The following CEP89 variants were observed in gnomAD, a reference collection of about 807,000 sequenced individuals.
CEP89 encodes centrosomal protein 89, also known as centrosomal protein of 89 kDa.
A neutral mutation model predicts 97.6 loss-of-function variants in CEP89; 95 were observed. The observed-to-expected ratio is 0.97, with a 90% confidence interval of 0.82 to 1.15. CEP89 has a LOEUF of 1.15. Among genes scored for constraint, CEP89 ranks in the 50% most tolerant of loss-of-function variants. CEP89 has a pLI of 0.00. For synonymous variants in CEP89, 354 were observed against 349.1 expected (o/e 1.01, Z -0.16); for missense variants, 869 against 947.7 (o/e 0.92, Z 1.09).
chr19:32,901,032 C>T (rs755679621), intron 15 of CEP89, among the ~76,000 whole-genome samples: 25 of 151,712 alleles, frequency 1.6e-4, no homozygotes, highest in Non-Finnish European at 2.9e-4. Context: ...ACTACAGGTG[C>T]GTGCCACTAC....
chr19:32,967,848 AGG>A (rs1971316733), intron 1 of CEP89, among the ~76,000 whole-genome samples: 1 of 152,162 alleles, frequency 6.6e-6, no homozygotes, highest in Non-Finnish European at 1.5e-5. Context: ...GGCATCTTCG[AGG>A]GTGGGGCTTG....
At chr19:32,947,227 C>T (rs756741615) in intron 5 of CEP89, among the ~76,000 whole-genome samples, 1 of 152,100 alleles carries the variant, frequency 6.6e-6, no homozygotes, top group South Asian at 2.1e-4. Context: ...TTTTCCCTAC[C>T]TTTGTTATAA....
Position 32,918,215 on chromosome 19 carries a change from G to A in CEP89, c.1384+9C>T. ...AATGCATGACCAGTCCTCACTGGAAGGACCTCACCTTCTTGGAGGCGCTCC... is the reference window on the plus strand; with the variant it reads ...AATGCATGACCAGTCCTCACTGGAAAGACCTCACCTTCTTGGAGGCGCTCC... On this transcript the variant is annotated intron_variant, in intron 13 of 18. Coordinates refer to ENST00000305768, the MANE Select transcript of CEP89 (RefSeq NM_032816.5). 1 of 1,594,648 alleles carries A rather than the reference G, an allele frequency of 6.3e-7. No homozygotes were observed. Among genetic ancestry groups the A allele is most frequent in the Non-Finnish European group, 8.6e-7 (1 of 1,162,236 alleles).
rs983875081 is a variant in CEP89, at chr19:32,933,585, T to C, written c.752A>G (p.Asn251Ser). Reference protein sequence around the residue: ...EALKEENMDLNNMNQSLTLEL... With the variant: ...EALKEENMDLSNMNQSLTLEL... ...AAGGGTAAGGCTTTGATTCATATTG[T>C]TTAGGTCCATATTTTCTTCTTTTAA... Residue 251 changes from asparagine (N) to serine (S), a missense_variant, in exon 8 of 19, where the codon AAC (asparagine) becomes AGC (serine). By Grantham distance (46) the Asn-to-Ser change is conservative. Coordinates refer to ENST00000305768, the MANE Select transcript of CEP89 (RefSeq NM_032816.5). 6.2e-7 allele frequency: 1 copy of C among 1,613,014 alleles called. No homozygotes were observed. Among genetic ancestry groups the C allele is most frequent in the East Asian group, 2.2e-5 (1 of 44,868 alleles).
chr19:32,898,383 G>A (rs1703520950), intron 16 of CEP89, among the ~76,000 whole-genome samples: 1 of 152,102 alleles, frequency 6.6e-6, no homozygotes. Flanking sequence ...TAGGATGCAT[G>A]TGGGTATGGG....
intron 14 of CEP89, among the ~76,000 whole-genome samples, chr19:32,911,741 T>C (rs563453341): frequency 6.6e-6 from 1 of 152,198 alleles, no homozygotes; most frequent in Admixed American, 6.5e-5. Context: ...TCACTAGCAT[T>C]TACTTAAGCA....
chr19:32,902,821 C>A (rs963105936), intron 14 of CEP89, among the ~76,000 whole-genome samples: 1 of 152,088 alleles, frequency 6.6e-6, no homozygotes, highest in African/African-American at 2.4e-5. Context: ...GAGGAAACTG[C>A]GTAAAGCCTA....
At chr19:32,887,331 C>A (rs1055414052) in intron 17 of CEP89, among the ~76,000 whole-genome samples, 1 of 151,740 alleles carries the variant, frequency 6.6e-6, no homozygotes, top group Non-Finnish European at 1.5e-5. Flanking sequence ...GAGCCTCCCC[C>A]ATCAGCCTCG....
In CEP89 at chr19:32,881,921, G is replaced by C. The variant is rs200051100; in HGVS notation, c.2058C>G (p.Tyr686Ter). ...GGTGCAGGTGCCGCATCTCCTGCCG[G>C]TACTGGGCTGTCTTGCCGGCGAAGT... ...QEDFAGKTAQ[Y>*]RQEMRHLHQV... The change falls in exon 18 of 19, where the codon TAC becomes TAG. Residue 686 changes from tyrosine to a stop codon, truncating the protein, a stop_gained. Coordinates refer to ENST00000305768, the MANE Select transcript of CEP89 (RefSeq NM_032816.5). LOFTEE classifies it high-confidence loss of function. 25 of 1,604,676 alleles carry C rather than the reference G, an allele frequency of 1.6e-5. No homozygotes were observed. The Admixed American group carries it at 3.7e-4, about 24-fold the overall frequency.
At chr19:32,891,882 TA>T (rs573433124) in intron 16 of CEP89, among the ~76,000 whole-genome samples, 12,294 of 142,734 alleles carry the variant, frequency 0.086, 1,557 homozygotes, top group African/African-American at 0.28. Context: ...AGAGAAAAAT[TA>T]AAAAAAAAAA....
Position 32,971,875 on chromosome 19 carries a change from C to T in CEP89, c.-1G>A, listed in dbSNP as rs775697744. The T allele has an allele frequency of 1.9e-6, 3 of 1,588,180 alleles. No homozygotes were observed. The highest frequency in any genetic ancestry group is 1.7e-6 in the Non-Finnish European group (2 of 1,165,988). On this transcript the variant is annotated 5_prime_UTR_variant, in exon 1 of 19. Transcript: ENST00000305768. Reference sequence around the variant, plus strand: ...GGCCTCTCCGAAATCCCAGGAGCATCCTTGCAGCGCGAGGAGAATGGACCG... The same window carrying T: ...GGCCTCTCCGAAATCCCAGGAGCATTCTTGCAGCGCGAGGAGAATGGACCG...
intron 9 of CEP89, among the ~76,000 whole-genome samples, chr19:32,929,422 T>G (rs1296644501): frequency 6.6e-6 from 1 of 151,868 alleles, no homozygotes; most frequent in African/African-American, 2.4e-5. Flanking sequence ...GCCAACATGG[T>G]GAAACCCTAT....
intron 2 of CEP89, chr19:32,963,782 T>C (rs1782557426): frequency 6.6e-6 from 1 of 152,190 alleles, no homozygotes; most frequent in Non-Finnish European, 1.5e-5. Context: ...AAGATGAAGA[T>C]TGATCAAACA....
chr19:32,963,869 C>A (rs1226110027), intron 2 of CEP89: 1 of 151,854 alleles, frequency 6.6e-6, no homozygotes, highest in African/African-American at 2.4e-5. Flanking sequence ...AAACTAACCA[C>A]TGACTGTCCA....
At chr19:32,912,903 G>A (rs916246324) in intron 14 of CEP89, among the ~76,000 whole-genome samples, 3 of 151,378 alleles carry the variant, frequency 2.0e-5, no homozygotes, top group African/African-American at 2.4e-5. Context: ...TTAGCCGGGC[G>A]AGGTGGTGGG....
At chr19:32,948,108 C>T (rs1014898734) in intron 5 of CEP89, among the ~76,000 whole-genome samples, 158 bp downstream of exon 5, 4 of 152,188 alleles carry the variant, frequency 2.6e-5, no homozygotes, top group Admixed American at 6.5e-5. Context: ...CACCTGGACC[C>T]TCATTTTCAA....
At chr19:32,948,851 A>G (rs1232044182) in intron 4 of CEP89, among the ~76,000 whole-genome samples, 2 of 152,070 alleles carry the variant, frequency 1.3e-5, no homozygotes, top group African/African-American at 2.4e-5. Flanking sequence ...CAGCCTCTGG[A>G]GTAGCTGGGA....
intron 5 of CEP89, among the ~76,000 whole-genome samples, chr19:32,940,714 C>T (rs546352172): frequency 6.6e-6 from 1 of 152,286 alleles, no homozygotes; most frequent in Admixed American, 6.5e-5. Flanking sequence ...TGATCTTACA[C>T]CCCAGTTTGC....
intron 5 of CEP89, among the ~76,000 whole-genome samples, chr19:32,947,598 C>T (rs1220986016): frequency 6.6e-6 from 1 of 152,112 alleles, no homozygotes; most frequent in African/African-American, 2.4e-5. Flanking sequence ...TCAAGCAATC[C>T]TCCCACCTCA....
Sources: allele counts gnomAD v4.1 joint callset (sites outside exome capture counted in the v4.1 genomes callset), GRCh38; gene constraint gnomAD v4.1.1; transcripts MANE v1.5; gene names NCBI Gene and HGNC (gene_info 2026-07-23, HGNC 2026-07-21).